Variants in HYDIN observed in about 807,000 individuals in gnomAD.
HYDIN encodes the protein axonemal central pair apparatus protein HYDIN.
In HYDIN, 132 loss-of-function variants were observed where a neutral mutation model predicts 403.9. The ratio of observed to expected loss-of-function variants is 0.33; its 90% confidence interval spans 0.28 to 0.38. The LOEUF (loss-of-function observed/expected upper bound fraction) is 0.38. Ranked by LOEUF, HYDIN falls within the 10% of genes least tolerant of loss-of-function variation. The probability of loss-of-function intolerance (pLI) is 1.00; values close to 1 mark genes in which losing one functional copy is unlikely to be tolerated. For synonymous variants in HYDIN, 1,202 were observed against 1,891.7 expected, an observed-to-expected ratio of 0.64 and a Z score of 9.46; for missense variants, 2,827 against 5,009.5, an observed-to-expected ratio of 0.56 and a Z score of 13.15.
At chr16:71,217,075 T>G (rs2088921028) in intron 1 of HYDIN, among the ~76,000 whole-genome samples, 1 of 152,244 alleles carries the variant, frequency 6.6e-6, no homozygotes, top group African/African-American at 2.4e-5. Flanking sequence ...AGTCTCCAGT[T>G]AAATGATGCT....
chr16:71,156,221 G>C (rs1431184456), intron 6 of HYDIN, among the ~76,000 whole-genome samples: 2 of 152,180 alleles, frequency 1.3e-5, no homozygotes, highest in Non-Finnish European at 2.9e-5. Context: ...GTTCCACGGA[G>C]TGGTAAGGGT....
At chr16:70,817,610 C>T (rs999159677) in intron 84 of HYDIN, 1 of 152,256 alleles carries the variant, frequency 6.6e-6, no homozygotes, top group African/African-American at 2.4e-5. Context: ...TTCTATAATT[C>T]CAGCCATGCA....
chr16:71,222,086 G>C (rs1369120060), intron 1 of HYDIN, among the ~76,000 whole-genome samples: 1 of 152,126 alleles, frequency 6.6e-6, no homozygotes, highest in Non-Finnish European at 1.5e-5. Flanking sequence ...GTCTTTCTGA[G>C]CCTACTCTGG....
intron 3 of HYDIN, among the ~76,000 whole-genome samples, chr16:71,183,390 T>TG (rs1475285512): frequency 6.6e-6 from 1 of 152,050 alleles, no homozygotes; most frequent in Non-Finnish European, 1.5e-5. Flanking sequence ...AAAAATGATA[T>TG]GAAAAAAATA....
At chr16:71,121,019 A>T (rs2084237885) in intron 9 of HYDIN, among the ~76,000 whole-genome samples, 1 of 148,464 alleles carries the variant, frequency 6.7e-6, no homozygotes, top group Non-Finnish European at 1.5e-5. Context: ...CATGTTCCAC[A>T]CTGTGTAAAG....
chr16:70,902,663 C>T (rs1244830588), intron 52 of HYDIN, among the ~76,000 whole-genome samples: 3 of 146,832 alleles, frequency 2.0e-5, no homozygotes, highest in Non-Finnish European at 3.0e-5. Flanking sequence ...AATTGATGGC[C>T]CCGAAGTCAC....
intron 4 of HYDIN, among the ~76,000 whole-genome samples, chr16:71,176,635 C>T (rs2086680355): frequency 6.6e-6 from 1 of 152,190 alleles, no homozygotes; most frequent in African/African-American, 2.4e-5. Flanking sequence ...GTAAACACCA[C>T]AAAGCAAGAG....
rs527569246 is a variant in HYDIN at position 71,066,097 on chromosome 16, C to T, written c.2075+1193G>A. Among the ~76,000 whole-genome samples the T allele has an allele frequency of 2.0e-5, 3 of 152,076 alleles. No homozygotes were observed. In the East Asian group the frequency reaches 5.8e-4, roughly 29 times the overall value. On this transcript the variant is annotated intron_variant, in intron 15 of 85. Transcript: ENST00000393567. ...GGTCACAGAATATAAGTAGAAAACT[C>T]ATAGCCTCTTTAGACCTTTTTTTTT... is the stretch of plus-strand genomic sequence containing the variant.
At chr16:71,207,927 T>A (rs2088384669) in intron 1 of HYDIN, among the ~76,000 whole-genome samples, 1 of 152,076 alleles carries the variant, frequency 6.6e-6, no homozygotes, top group South Asian at 2.1e-4. Context: ...ATAAAGCAAG[T>A]TTTTAGAGAT....
At chr16:71,154,805 A>C (rs936422998) in intron 6 of HYDIN, among the ~76,000 whole-genome samples, 7 of 140,566 alleles carry the variant, frequency 5.0e-5, no homozygotes, top group African/African-American at 2.8e-5. Flanking sequence ...GAATGAGTTC[A>C]AAACCCAGCT....
intron 1 of HYDIN, among the ~76,000 whole-genome samples, chr16:71,207,420 G>C (rs2088356819): frequency 6.6e-6 from 1 of 152,184 alleles, no homozygotes; most frequent in Non-Finnish European, 1.5e-5. Flanking sequence ...AAGAGCTCCT[G>C]AAAGAAGCAG....
chr16:71,044,086 A>C (rs1191588136), intron 18 of HYDIN, among the ~76,000 whole-genome samples: 4 of 150,508 alleles, frequency 2.7e-5, no homozygotes, highest in Admixed American at 2.7e-4. Context: ...GACATTTTAG[A>C]TGCCCAACTA....
At chr16:71,067,478 C>G (rs1205972830) in intron 14 of HYDIN, 88 bp from the exon 15 acceptor site, 12 of 713,364 alleles carry the variant, frequency 1.7e-5, no homozygotes, top group Non-Finnish European at 2.9e-5. Context: ...CTACGCTGAT[C>G]AGAGTGGTTT....
At chr16:70,871,665 C>T (rs1344293000) in intron 65 of HYDIN, among the ~76,000 whole-genome samples, 1 of 150,160 alleles carries the variant, frequency 6.7e-6, no homozygotes, top group Non-Finnish European at 1.5e-5. Context: ...CCATCACCCC[C>T]ATTCTAGCTT....
At chr16:70,901,288 G>A in intron 52 of HYDIN, 86 bp from the exon 53 acceptor site, 6 of 895,288 alleles carry the variant, frequency 6.7e-6, no homozygotes, top group Non-Finnish European at 8.7e-6. Context: ...TTAGGTTCAG[G>A]GGTTCATGTG....
chr16:70,943,672 G>T, intron 42 of HYDIN, 140 bp downstream of exon 42: 1 of 1,240,440 alleles, frequency 8.1e-7, no homozygotes, highest in Non-Finnish European at 1.1e-6. Flanking sequence ...GACAAGAGCT[G>T]TCAAAAAGAC....
At chr16:70,951,277 AGAGG>A (rs780800451) in intron 41 of HYDIN, among the ~76,000 whole-genome samples, 29 of 144,774 alleles carry the variant, frequency 2.0e-4, no homozygotes, top group African/African-American at 6.9e-4. Flanking sequence ...AGAGAGAGAG[AGAGG>A]GAGAGAGGGA....
chr16:71,117,742 C>T (rs2084095638), intron 9 of HYDIN, among the ~76,000 whole-genome samples: 1 of 152,054 alleles, frequency 6.6e-6, no homozygotes, highest in Non-Finnish European at 1.5e-5. Context: ...AAAGAACATA[C>T]TTCTGGAATA....
intron 1 of HYDIN, among the ~76,000 whole-genome samples, chr16:71,204,791 G>GA (rs2088205063): frequency 6.6e-6 from 1 of 152,138 alleles, no homozygotes; most frequent in Non-Finnish European, 1.5e-5. Context: ...TTAACAGCAT[G>GA]AAAAATATCT....
Sources: allele counts gnomAD v4.1 joint callset (sites outside exome capture counted in the v4.1 genomes callset), GRCh38; gene constraint gnomAD v4.1.1; transcripts MANE v1.5; gene names NCBI Gene and HGNC (gene_info 2026-07-23, HGNC 2026-07-21).